Variants in REDIC1 observed in about 807,000 individuals in gnomAD.
REDIC1 encodes HEI10 Interacting Protein 1.
chr12:39,731,597 G>T, the REDIC1 span, among the ~76,000 whole-genome samples: 2 of 152,154 alleles, frequency 1.3e-5, no homozygotes, highest in Admixed American at 6.5e-5. Flanking sequence ...ACCCCTGCTG[G>T]GAGGTGTCTC....
the REDIC1 span, chr12:39,872,002 C>A: frequency 2.1e-6 from 3 of 1,451,998 alleles, no homozygotes; most frequent in South Asian, 3.2e-5. Flanking sequence ...TGATAGTTAC[C>A]CAAAGAAACA....
At chr12:39,669,973 G>T in the REDIC1 span, among the ~76,000 whole-genome samples, 2 of 152,126 alleles carry the variant, frequency 1.3e-5, no homozygotes, top group East Asian at 1.9e-4. Flanking sequence ...ACTAGGAGAG[G>T]GAATTCCCTG....
At chr12:39,703,777 A>G in the REDIC1 span, among the ~76,000 whole-genome samples, 9 of 152,294 alleles carry the variant, frequency 5.9e-5, no homozygotes, top group East Asian at 5.8e-4. Flanking sequence ...ATAACGCCAC[A>G]TATCTACAAC....
At chr12:39,673,125 C>CA in the REDIC1 span, among the ~76,000 whole-genome samples, 3 of 152,076 alleles carry the variant, frequency 2.0e-5, no homozygotes, top group Non-Finnish European at 2.9e-5. Flanking sequence ...GGAGGCTAGG[C>CA]CATCTGCCTA....
chr12:39,694,265 A>T, the REDIC1 span, among the ~76,000 whole-genome samples: 1 of 152,186 alleles, frequency 6.6e-6, no homozygotes, highest in Non-Finnish European at 1.5e-5. Flanking sequence ...ACACAAAAAA[A>T]CACCTTCCTA....
the REDIC1 span, among the ~76,000 whole-genome samples, chr12:39,743,204 G>A: frequency 1.3e-5 from 2 of 152,154 alleles, no homozygotes; most frequent in Non-Finnish European, 2.9e-5. Flanking sequence ...GGTTTAATCA[G>A]AGCCTAACTG....
the REDIC1 span, among the ~76,000 whole-genome samples, chr12:39,678,221 C>T: frequency 4.6e-5 from 7 of 151,480 alleles, no homozygotes; most frequent in African/African-American, 1.7e-4. Context: ...TAGAGAAGAC[C>T]CAAATAAGCT....
chr12:39,773,901 T>C, the REDIC1 span, among the ~76,000 whole-genome samples: 1 of 152,226 alleles, frequency 6.6e-6, no homozygotes. Context: ...ACATCTACCA[T>C]CGTTCTACTG....
At chr12:39,683,778 T>C in the REDIC1 span, among the ~76,000 whole-genome samples, 1 of 151,952 alleles carries the variant, frequency 6.6e-6, no homozygotes, top group African/African-American at 2.4e-5. Context: ...GAATGTCAAT[T>C]TATTAACTTA....
At chr12:39,769,411 C>G in the REDIC1 span, among the ~76,000 whole-genome samples, 1 of 152,054 alleles carries the variant, frequency 6.6e-6, no homozygotes, top group South Asian at 2.1e-4. Context: ...AAGAACAGAT[C>G]TTTTAACAAC....
chr12:39,709,226 GTTT>G, the REDIC1 span, among the ~76,000 whole-genome samples: 1 of 142,972 alleles, frequency 7.0e-6, no homozygotes, highest in Non-Finnish European at 1.5e-5. Flanking sequence ...AGACTTATGT[GTTT>G]TTTTTTTTTT....
the REDIC1 span, among the ~76,000 whole-genome samples, chr12:39,848,308 T>C: frequency 6.6e-6 from 1 of 152,222 alleles, no homozygotes; most frequent in African/African-American, 2.4e-5. Flanking sequence ...CCAGCATTTA[T>C]AAGGAACTTA....
At chr12:39,767,402 C>T in the REDIC1 span, among the ~76,000 whole-genome samples, 8 of 150,962 alleles carry the variant, frequency 5.3e-5, no homozygotes, top group Admixed American at 2.0e-4. Flanking sequence ...TTTTTTGTTT[C>T]GTTTTAGAGC....
At chr12:39,853,881 T>C in the REDIC1 span, among the ~76,000 whole-genome samples, 143 of 152,288 alleles carry the variant, frequency 9.4e-4, 2 homozygotes, top group African/African-American at 3.2e-3. Flanking sequence ...TTAAATGGCA[T>C]GTGTAGTGAG....
the REDIC1 span, among the ~76,000 whole-genome samples, chr12:39,731,357 T>C: frequency 1.7e-4 from 26 of 152,226 alleles, no homozygotes; most frequent in Non-Finnish European, 3.7e-4. Context: ...ATCCTTTTTG[T>C]TGATGTTAAT....
At chr12:39,772,591 A>G in the REDIC1 span, among the ~76,000 whole-genome samples, 1 of 152,182 alleles carries the variant, frequency 6.6e-6, no homozygotes, top group Middle Eastern at 3.2e-3. Context: ...AGATTTAAGA[A>G]AATAGGAAAG....
the REDIC1 span, among the ~76,000 whole-genome samples, chr12:39,902,086 G>A: frequency 3.3e-5 from 5 of 150,520 alleles, no homozygotes; most frequent in Non-Finnish European, 4.4e-5. Context: ...GCAAAGTATC[G>A]CAAGGACAAA....
At chr12:39,898,594 T>A in the REDIC1 span, among the ~76,000 whole-genome samples, 2 of 152,138 alleles carry the variant, frequency 1.3e-5, no homozygotes, top group Non-Finnish European at 2.9e-5. Context: ...TATTGTAACA[T>A]CTGTGTCTTC....
the REDIC1 span, among the ~76,000 whole-genome samples, chr12:39,889,633 A>C: frequency 6.6e-6 from 1 of 151,030 alleles, no homozygotes; most frequent in Non-Finnish European, 1.5e-5. Flanking sequence ...CCTGGGTTCA[A>C]GCCATTCTCC....
Sources: gnomAD v4.1 joint callset for allele counts (sites outside exome capture counted in the v4.1 genomes callset) on GRCh38, gnomAD v4.1.1 for gene constraint, MANE v1.5 for transcripts, NCBI Gene and HGNC (gene_info 2026-07-23, HGNC 2026-07-21) for gene names.